The following RELCH variants were observed in gnomAD, a reference collection of about 807,000 sequenced individuals.
RELCH encodes the protein RAB11 binding and LisH domain, coiled-coil and HEAT repeat containing.
A neutral mutation model predicts 150.3 loss-of-function variants in RELCH; 41 were observed. That is an observed-to-expected ratio of 0.27 (90% CI 0.21 to 0.35). RELCH has a LOEUF of 0.35. RELCH is among the 10% of genes least tolerant of loss of function. The probability of loss-of-function intolerance (pLI) is 1.00; values close to 1 mark genes in which losing one functional copy is unlikely to be tolerated. For synonymous variants in RELCH, 478 were observed against 531.8 expected (o/e 0.90, Z 1.39); for missense variants, 1,092 against 1,467.8 (o/e 0.74, Z 4.18).
At chr18:62,222,769 A>C (rs1419428055) in intron 5 of RELCH, among the ~76,000 whole-genome samples, 1 of 152,036 alleles carries the variant, frequency 6.6e-6, no homozygotes, top group Non-Finnish European at 1.5e-5. Flanking sequence ...CAGTGAATAC[A>C]TACTCTTTAA....
intron 1 of RELCH, among the ~76,000 whole-genome samples, chr18:62,197,324 T>C (rs979242236): frequency 5.3e-5 from 8 of 152,210 alleles, no homozygotes; most frequent in Non-Finnish European, 1.0e-4. Context: ...TTTCTACTTT[T>C]CAAACAAGGA....
intron 25 of RELCH, among the ~76,000 whole-genome samples, chr18:62,285,250 G>A (rs1176914085): frequency 1.3e-5 from 2 of 152,106 alleles, no homozygotes; most frequent in Admixed American, 1.3e-4. Flanking sequence ...TGATTCTCCT[G>A]CCTCAGCCTC....
chr18:62,253,827 T>G (rs1306419140), intron 12 of RELCH, among the ~76,000 whole-genome samples: 2 of 152,158 alleles, frequency 1.3e-5, no homozygotes, highest in Non-Finnish European at 2.9e-5. Context: ...TCACTTGGAG[T>G]CAAAATAACT....
chr18:62,307,248 T>C lies in RELCH; in HGVS notation c.*1714T>C, dbSNP rs578052438. On this transcript the variant is annotated 3_prime_UTR_variant, in exon 29 of 29. Transcript: ENST00000644646. The stretch of plus-strand genomic sequence containing the variant: ...TTTGTAAATATAATTTATATAAATT[T>C]ACCTATTTTGGTTTATTTTTACTAA... 2 of 152,142 alleles carry C rather than the reference T, an allele frequency of 1.3e-5. No homozygotes were observed. Among genetic ancestry groups the C allele is most frequent in the East Asian group, 3.9e-4 (2 of 5,182 alleles). 9.4% of individuals were successfully genotyped at this position (152,142 alleles called of 1,614,324 possible). A position where few individuals can be genotyped will look rare whatever the true frequency, so the allele number is the denominator to read the frequency against.
intron 10 of RELCH, among the ~76,000 whole-genome samples, chr18:62,236,166 G>A (rs547686261): frequency 1.4e-4 from 22 of 151,952 alleles, no homozygotes; most frequent in South Asian, 6.2e-4. Context: ...TCATAAAATG[G>A]CATTGAATTT....
intron 9 of RELCH, 77 bp downstream of exon 9, chr18:62,231,346 A>C: frequency 1.1e-6 from 1 of 893,868 alleles, no homozygotes; most frequent in Non-Finnish European, 1.8e-6. Context: ...TCTCTTCTAC[A>C]GAAGCATCTG....
At chr18:62,239,990 A>G (rs2042062462) in intron 10 of RELCH, among the ~76,000 whole-genome samples, 1 of 152,000 alleles carries the variant, frequency 6.6e-6, no homozygotes, top group Non-Finnish European at 1.5e-5. Flanking sequence ...ATATTTGGAT[A>G]TAATGTAATG....
chr18:62,265,798 C>A (rs544950532), intron 18 of RELCH, among the ~76,000 whole-genome samples: 1 of 151,852 alleles, frequency 6.6e-6, no homozygotes, highest in African/African-American at 2.4e-5. Flanking sequence ...ATTCTCTTAG[C>A]GCAATTCAGT....
chr18:62,215,280 T>A (rs780669407), intron 2 of RELCH, among the ~76,000 whole-genome samples: 1 of 152,114 alleles, frequency 6.6e-6, no homozygotes, highest in East Asian at 1.9e-4. Flanking sequence ...AGAAGAAGAA[T>A]AAAGAGACAT....
chr18:62,263,173 ATAGGT>A (rs2043362687), intron 16 of RELCH, among the ~76,000 whole-genome samples: 1 of 152,058 alleles, frequency 6.6e-6, no homozygotes, highest in Non-Finnish European at 1.5e-5. Context: ...CTGAGATACT[ATAGGT>A]TAGGACTTAA....
intron 23 of RELCH, 43 bp from the exon 24 acceptor site, chr18:62,280,603 T>C (rs776169891): frequency 9.6e-6 from 14 of 1,465,182 alleles, no homozygotes; most frequent in Admixed American, 1.7e-5. Context: ...ATACTCGTTG[T>C]TCATCTCAAA....
chr18:62,246,271 A>T (rs952509490), intron 11 of RELCH: 8 of 152,184 alleles, frequency 5.3e-5, no homozygotes, highest in African/African-American at 1.9e-4. Context: ...TTTGATATTC[A>T]TGTAATCTCA....
At position 62,227,550 on chromosome 18, in the gene RELCH, C is replaced by A. The variant is rs200283659; in HGVS notation, c.1063-48C>A. On this transcript the variant is annotated intron_variant, in intron 6 of 28. Transcript: ENST00000644646. ...AGAAAGTATTTAAACTATGTAAAAGCGTACAGTGAGATCTTGAGTTTCTGT... is the reference window on the plus strand; with the variant it reads ...AGAAAGTATTTAAACTATGTAAAAGAGTACAGTGAGATCTTGAGTTTCTGT... 1.2e-4 allele frequency: 179 copies of A among 1,540,450 alleles called. 2 individuals carry two copies. The South Asian group carries it at 1.6e-3, about 14-fold the overall frequency.
Position 62,231,209 on chromosome 18 carries a change from A to G in RELCH, c.1464A>G (p.Ala488=), listed in dbSNP as rs2041547232. 6.2e-7 allele frequency: 1 copy of G among 1,602,666 alleles called. No homozygotes were observed. The highest frequency in any genetic ancestry group is 8.5e-7 in the Non-Finnish European group (1 of 1,171,666). The stretch of plus-strand genomic sequence containing the variant: ...TTTCTTCTAGGAAATTGTCTCCTGC[A>G]TTCCATCAAGCACTACTCTCTTTTT... ...FDKPNRKLSP[A]FHQALLSFCR... is the part of the protein sequence containing the mutation. The change falls in exon 9 of 29, where the codon GCA becomes GCG. Residue 488 remains alanine, a synonymous_variant. Coordinates refer to ENST00000644646, the MANE Select transcript of RELCH (RefSeq NM_001346231.2).
At chr18:62,204,033 A>T (rs531548917) in intron 1 of RELCH, among the ~76,000 whole-genome samples, 4 of 152,178 alleles carry the variant, frequency 2.6e-5, no homozygotes, top group Admixed American at 1.3e-4. Context: ...TTTTTTACAC[A>T]AATATCTTTA....
At chr18:62,250,723 TCTTAA>T (rs1328393456) in intron 11 of RELCH, among the ~76,000 whole-genome samples, 22 of 152,338 alleles carry the variant, frequency 1.4e-4, no homozygotes, top group Non-Finnish European at 8.8e-5. Flanking sequence ...TTGTTATTCT[TCTTAA>T]CTTAAGCAAA....
chr18:62,188,047 C>G lies in RELCH; in HGVS notation c.526+16C>G, dbSNP rs1485833846. 1 of 1,533,858 alleles carries G rather than the reference C, an allele frequency of 6.5e-7. No homozygotes were observed. Among genetic ancestry groups the G allele is most frequent in the African/African-American group, 1.4e-5 (1 of 72,952 alleles). On this transcript the variant is annotated intron_variant, in intron 1 of 28. Transcript: ENST00000644646. ...GGACAGCTCAGTAAGTGGACGCAGC[C>G]TGTCACACTCCGGCAGGGTATTTGG... is the stretch of plus-strand genomic sequence containing the variant.
intron 19 of RELCH, chr18:62,268,571 G>A (rs535384371): frequency 1.1e-5 from 2 of 181,030 alleles, no homozygotes; most frequent in South Asian, 2.8e-4. Flanking sequence ...CTATAGGGAC[G>A]CTTAGAAGAC....
Position 62,279,756 on chromosome 18 carries a change from C to T in RELCH, c.2968-18C>T, listed in dbSNP as rs767331396. Reference sequence around the variant, plus strand: ...TTCCGTGCATCACCTGTGAATACCCCCTGTGCTGACCAATCAGCTGTTGGT... The same window carrying T: ...TTCCGTGCATCACCTGTGAATACCCTCTGTGCTGACCAATCAGCTGTTGGT... On this transcript the variant is annotated intron_variant, in intron 22 of 28. Coordinates refer to ENST00000644646, the MANE Select transcript of RELCH (RefSeq NM_001346231.2). The T allele has an allele frequency of 2.6e-6, 4 of 1,513,738 alleles. No individual in the cohort carries two copies. The highest frequency in any genetic ancestry group is 3.6e-6 in the Non-Finnish European group (4 of 1,126,690). The allele number at this position is 1,513,738 out of a possible 1,614,324, so 93.8% of individuals were successfully genotyped here.
Sources: gnomAD v4.1 joint callset for allele counts (sites outside exome capture counted in the v4.1 genomes callset) on GRCh38, gnomAD v4.1.1 for gene constraint, MANE v1.5 for transcripts, NCBI Gene and HGNC (gene_info 2026-07-23, HGNC 2026-07-21) for gene names.